SLC25A21: variants seen among roughly 807,000 people sequenced by gnomAD.
SLC25A21 encodes the protein mitochondrial 2-oxodicarboxylate carrier.
Under a neutral mutation model 43.8 loss-of-function variants are expected in SLC25A21, and 47 were observed. That is an observed-to-expected ratio of 1.07 (90% CI 0.85 to 1.37). The LOEUF (loss-of-function observed/expected upper bound fraction) is 1.37. SLC25A21 is among the 40% of genes most tolerant of loss of function. SLC25A21 has a pLI of 0.00. For missense variants in SLC25A21, 352 were observed against 350.2 expected (o/e 1.00, Z -0.04); for synonymous variants, 131 against 121.3 (o/e 1.08, Z -0.52).
chr14:37,032,374 A>C (rs1395078196), intron 1 of SLC25A21, among the ~76,000 whole-genome samples: 1 of 151,746 alleles, frequency 6.6e-6, no homozygotes, highest in Middle Eastern at 3.2e-3. Context: ...TCTCTACCAC[A>C]AAAAAAATAA....
At chr14:37,040,831 A>C (rs1961456339) in intron 1 of SLC25A21, among the ~76,000 whole-genome samples, 1 of 151,856 alleles carries the variant, frequency 6.6e-6, no homozygotes, top group African/African-American at 2.4e-5. Flanking sequence ...GATGAGAAAC[A>C]GGAAAAAGTT....
intron 6 of SLC25A21, among the ~76,000 whole-genome samples, chr14:36,714,417 C>T (rs1884031235): frequency 6.6e-6 from 1 of 152,162 alleles, no homozygotes; most frequent in Non-Finnish European, 1.5e-5. Context: ...AGATCTTGTT[C>T]CAGGTACAGT....
rs1420713187 is a variant in SLC25A21, at chr14:36,680,670, T to C, written c.888A>G (p.Gln296=). Residue 296 remains glutamine (Q), a synonymous_variant, in exon 10 of 10, where the codon CAA becomes CAG. Transcript: ENST00000331299. ...ACTTCATAGGCAATCACCAGTTCTC[T>C]TGAAGCCATGAATAGGTGTATTCAT... The part of the protein sequence containing the change: ...LVYEYTYSWL[Q]ENW 11 of 1,612,960 alleles carry C rather than the reference T, an allele frequency of 6.8e-6. No homozygotes were observed. In the South Asian group the frequency reaches 9.9e-5, roughly 15 times the overall value.
intron 1 of SLC25A21, among the ~76,000 whole-genome samples, chr14:37,160,314 CAAAGTGCCCATGA>C (rs1566922099): frequency 1.3e-5 from 2 of 152,124 alleles, no homozygotes; most frequent in African/African-American, 4.8e-5. Context: ...TGGAATCAAC[CAAAGTGCCCATGA>C]AAAGATGACT....
chr14:37,142,050 TG>T (rs1963580919), intron 1 of SLC25A21, among the ~76,000 whole-genome samples: 1 of 152,200 alleles, frequency 6.6e-6, no homozygotes, highest in Admixed American at 6.5e-5. Flanking sequence ...ACCATGGCTC[TG>T]GGAACTCACA....
At chr14:36,708,744 G>GTTTT (rs58837881) in intron 7 of SLC25A21, among the ~76,000 whole-genome samples, 55 of 108,444 alleles carry the variant, frequency 5.1e-4, no homozygotes, top group Admixed American at 7.2e-4. Context: ...GCTAACGTTA[G>GTTTT]TTTTTTTTTT....
intron 3 of SLC25A21, among the ~76,000 whole-genome samples, chr14:36,783,445 C>T (rs1213946274): frequency 6.6e-6 from 1 of 152,052 alleles, no homozygotes; most frequent in Non-Finnish European, 1.5e-5. Context: ...ACCTGTCTTC[C>T]TTGGTCTCAG....
intron 1 of SLC25A21, among the ~76,000 whole-genome samples, chr14:37,068,167 C>T (rs560250543): frequency 2.0e-5 from 3 of 152,294 alleles, no homozygotes; most frequent in Non-Finnish European, 4.4e-5. Flanking sequence ...TCCATCATAC[C>T]GGGAATAAGG....
intron 2 of SLC25A21, among the ~76,000 whole-genome samples, chr14:36,833,770 G>A (rs1211393607): frequency 6.6e-6 from 1 of 152,212 alleles, no homozygotes; most frequent in Non-Finnish European, 1.5e-5. Flanking sequence ...ATGCAAATTT[G>A]ATAAGGGATT....
intron 1 of SLC25A21, among the ~76,000 whole-genome samples, chr14:36,932,976 C>A (rs944466135): frequency 3.3e-5 from 5 of 151,968 alleles, no homozygotes; most frequent in Admixed American, 3.3e-4. Context: ...AAAAAAAGAA[C>A]TAAATAAATG....
intron 1 of SLC25A21, chr14:37,171,920 A>T (rs926650172): frequency 3.6e-6 from 1 of 281,130 alleles, no homozygotes; most frequent in Admixed American, 4.7e-5. Flanking sequence ...TGATAAAACT[A>T]AGTCAGACCG....
intron 1 of SLC25A21, 147 bp downstream of exon 1, chr14:37,172,133 CT>C: frequency 1.2e-6 from 1 of 824,660 alleles, no homozygotes; most frequent in Non-Finnish European, 1.9e-6. Context: ...GCTCTCGCGC[CT>C]CTAGGGGCTC....
intron 3 of SLC25A21, among the ~76,000 whole-genome samples, chr14:36,743,308 T>C (rs1885351327): frequency 6.6e-6 from 1 of 152,164 alleles, no homozygotes; most frequent in East Asian, 1.9e-4. Context: ...ATATGGTAAG[T>C]GTATTAATTT....
At chr14:36,818,432 T>C (rs1308676306) in intron 2 of SLC25A21, among the ~76,000 whole-genome samples, 2 of 151,966 alleles carry the variant, frequency 1.3e-5, no homozygotes, top group East Asian at 3.9e-4. Context: ...AGGAGCAGAG[T>C]CCATAAACTG....
chr14:37,136,249 G>T (rs1200643274), intron 1 of SLC25A21, among the ~76,000 whole-genome samples: 1 of 152,068 alleles, frequency 6.6e-6, no homozygotes, highest in African/African-American at 2.4e-5. Flanking sequence ...TAATTAAAAT[G>T]GTCTTGTCAA....
chr14:37,056,685 G>C (rs1158177673), intron 1 of SLC25A21, among the ~76,000 whole-genome samples: 1 of 152,006 alleles, frequency 6.6e-6, no homozygotes, highest in Non-Finnish European at 1.5e-5. Context: ...TGGCCACCCT[G>C]CTGTGCACTG....
At chr14:36,796,705 C>T (rs1887686380) in intron 3 of SLC25A21, among the ~76,000 whole-genome samples, 1 of 152,142 alleles carries the variant, frequency 6.6e-6, no homozygotes, top group Admixed American at 6.6e-5. Flanking sequence ...TTGGTCTATT[C>T]ACATGTATGA....
intron 3 of SLC25A21, among the ~76,000 whole-genome samples, chr14:36,760,339 G>GGAAA (rs1886099261): frequency 1.3e-5 from 1 of 76,140 alleles, no homozygotes; most frequent in Admixed American, 1.5e-4. Context: ...GCAGAAGGAA[G>GGAAA]GAAGGAAGGA....
chr14:36,736,587 T>C (rs1320418638), intron 3 of SLC25A21, among the ~76,000 whole-genome samples: 2 of 151,950 alleles, frequency 1.3e-5, no homozygotes, highest in Non-Finnish European at 2.9e-5. Flanking sequence ...TCTGTGTTGA[T>C]CTTTCCCCAT....
Sources: gnomAD v4.1 joint callset for allele counts (sites outside exome capture counted in the v4.1 genomes callset) on GRCh38, gnomAD v4.1.1 for gene constraint, MANE v1.5 for transcripts, NCBI Gene and HGNC (gene_info 2026-07-23, HGNC 2026-07-21) for gene names.